The following ARHGEF11 variants were observed in gnomAD, a reference collection of about 807,000 sequenced individuals.
ARHGEF11 encodes the protein Rho guanine exchange factor (GEF) 11.
A neutral mutation model predicts 193.7 loss-of-function variants in ARHGEF11; 55 were observed. The observed-to-expected ratio is 0.28, with a 90% CI of 0.23 to 0.36. The LOEUF is 0.36. ARHGEF11 is among the 10% of genes least tolerant of loss of function. The probability of loss-of-function intolerance (pLI) is 1.00; values close to 1 mark genes in which losing one functional copy is unlikely to be tolerated. For missense variants in ARHGEF11, 1,723 were observed against 2,005.6 expected (o/e 0.86, Z 2.69); for synonymous variants, 693 against 768.0 (o/e 0.90, Z 1.62).
At chr1:156,947,048 G>A (rs1557836600) in intron 26 of ARHGEF11, 33 bp from the exon 27 acceptor site, 1 of 1,612,734 alleles carries the variant, frequency 6.2e-7, no homozygotes, top group Non-Finnish European at 8.5e-7. Flanking sequence ...AGAAATGCCT[G>A]GGGTTGAGCT....
At chr1:156,969,110 G>C (rs575458927) in intron 10 of ARHGEF11, among the ~76,000 whole-genome samples, 172 bp downstream of exon 10, 1 of 152,212 alleles carries the variant, frequency 6.6e-6, no homozygotes. Context: ...CATGTTGGAT[G>C]CATCTGAAAT....
intron 20 of ARHGEF11, 123 bp from the exon 21 acceptor site, chr1:156,955,044 C>T (rs951031079): frequency 2.6e-6 from 2 of 781,888 alleles, no homozygotes; most frequent in Non-Finnish European, 4.1e-6. Flanking sequence ...CAAGGCTGAT[C>T]TAGAAGAATC....
intron 7 of ARHGEF11, among the ~76,000 whole-genome samples, chr1:156,972,448 C>T (rs1265943609): frequency 2.0e-5 from 3 of 152,174 alleles, no homozygotes; most frequent in Admixed American, 6.5e-5. Flanking sequence ...CCTCATGGGA[C>T]GGGTGTAATA....
intron 22 of ARHGEF11, chr1:156,949,122 A>G (rs2101964877): frequency 2.0e-6 from 2 of 985,058 alleles, no homozygotes; most frequent in Non-Finnish European, 2.4e-6. Flanking sequence ...TATCTTAACA[A>G]TACTGTTCCT....
At position 156,947,001 on chromosome 1, in the gene ARHGEF11, C is replaced by T; in HGVS notation, c.2503G>A (p.Ala835Thr). The change falls in exon 27 of 41, where the codon GCC (alanine) becomes ACC (threonine). Residue 835 changes from alanine to threonine, a missense_variant. Coordinates refer to ENST00000368194, the MANE Select transcript of ARHGEF11 (RefSeq NM_198236.3). Reference sequence around the variant, plus strand: ...CCTTCCTCCCGGAGCTTCTTCATGGCTTCACACCAGGAATCTGGGGCAGGA... The same window carrying T: ...CCTTCCTCCCGGAGCTTCTTCATGGTTTCACACCAGGAATCTGGGGCAGGA... ...LIEIHNSWCE[A>T]MKKLREEGPI... 1 of 1,614,156 alleles carries T rather than the reference C, an allele frequency of 6.2e-7. No homozygotes were observed.
chr1:157,012,130 T>A (rs573386767), intron 1 of ARHGEF11, among the ~76,000 whole-genome samples: 1 of 152,170 alleles, frequency 6.6e-6, no homozygotes, highest in East Asian at 1.9e-4. Flanking sequence ...ATCCACACAA[T>A]AACATATTAA....
At chr1:157,015,241 C>T (rs181990245) in intron 1 of ARHGEF11, among the ~76,000 whole-genome samples, 376 of 152,286 alleles carry the variant, frequency 2.5e-3, no homozygotes, top group Admixed American at 3.8e-3. Flanking sequence ...GAGGACAGAA[C>T]CTAGGGCCAC....
chr1:156,967,699 T>C (rs1032800762), intron 11 of ARHGEF11, among the ~76,000 whole-genome samples: 7 of 152,254 alleles, frequency 4.6e-5, no homozygotes, highest in Non-Finnish European at 7.3e-5. Context: ...CTATTTCCTA[T>C]TCTGTATAGA....
chr1:157,012,756 C>T (rs1365472671), intron 1 of ARHGEF11, among the ~76,000 whole-genome samples: 9 of 152,318 alleles, frequency 5.9e-5, no homozygotes, highest in African/African-American at 1.9e-4. Context: ...TACTTCACAG[C>T]ATTGCTGTTG....
intron 18 of ARHGEF11, among the ~76,000 whole-genome samples, chr1:156,956,996 G>A (rs1167207016): frequency 1.3e-5 from 2 of 152,284 alleles, no homozygotes; most frequent in East Asian, 3.9e-4. Flanking sequence ...CAGGGGAAAG[G>A]AGAAATGCCA....
intron 8 of ARHGEF11, 31 bp downstream of exon 8, chr1:156,971,666 C>A (rs1360240360): frequency 1.9e-6 from 3 of 1,604,500 alleles, no homozygotes; most frequent in Admixed American, 3.3e-5. Flanking sequence ...ACTGCATGTG[C>A]CCTTACTAGA....
chr1:157,028,545 C>T lies in ARHGEF11; in HGVS notation c.32+15754G>A, dbSNP rs983763412. Among the ~76,000 whole-genome samples the T allele has an allele frequency of 3.3e-5, 5 of 152,026 alleles. No individual in the cohort carries two copies. In the East Asian group the frequency reaches 9.7e-4, roughly 29 times the overall value. On this transcript the variant is annotated intron_variant, in intron 1 of 40. Coordinates refer to ENST00000368194, the MANE Select transcript of ARHGEF11 (RefSeq NM_198236.3). ...AGCCCTAAAAGAGTGACCAAATTAC[C>T]AAAGATCAAATAATACTATATTTGA...
At position 156,940,194 on chromosome 1, in the gene ARHGEF11, T is replaced by C; in HGVS notation, c.3733+13A>G. ...GGGACCAGGGGCTGACGGCAGGGCC[T>C]TGAAGCACTCACCATCTTCCAGAGC... On this transcript the variant is annotated intron_variant, in intron 36 of 40. Coordinates refer to ENST00000368194, the MANE Select transcript of ARHGEF11 (RefSeq NM_198236.3). 6.4e-7 allele frequency: 1 copy of C among 1,565,298 alleles called. No individual in the cohort carries two copies. The highest frequency in any genetic ancestry group is 1.3e-5 in the African/African-American group (1 of 74,088).
intron 11 of ARHGEF11, among the ~76,000 whole-genome samples, chr1:156,964,609 G>A (rs1016974590): frequency 6.6e-6 from 1 of 152,098 alleles, no homozygotes; most frequent in Non-Finnish European, 1.5e-5. Context: ...TGCCCAGAAT[G>A]ACTGAGTCAC....
chr1:156,973,179 T>C (rs757969921), intron 7 of ARHGEF11, among the ~76,000 whole-genome samples: 52 of 152,334 alleles, frequency 3.4e-4, no homozygotes, highest in Non-Finnish European at 6.3e-4. Flanking sequence ...TCCTCTACTT[T>C]GGCCTCCCCA....
intron 1 of ARHGEF11, among the ~76,000 whole-genome samples, chr1:157,015,652 C>A (rs915898979): frequency 6.6e-6 from 1 of 152,172 alleles, no homozygotes; most frequent in South Asian, 2.1e-4. Context: ...CTCAGTAATG[C>A]GCAGTGTGTG....
intron 1 of ARHGEF11, among the ~76,000 whole-genome samples, chr1:156,990,699 TAA>T (rs57485864): frequency 1.7e-4 from 25 of 151,412 alleles, no homozygotes; most frequent in African/African-American, 5.8e-4. Context: ...TATTACCCTT[TAA>T]AAAAAAAGTT....
At chr1:157,046,160 G>GCCGGATCCCCGGC (rs1443571224), upstream of ARHGEF11, among the ~76,000 whole-genome samples, 1 of 150,438 alleles carries the variant, frequency 6.6e-6, no homozygotes, top group African/African-American at 2.4e-5. Flanking sequence ...TCCCATCTCA[G>GCCGGATCCCCGGC]CCGGATCCCC....
intron 9 of ARHGEF11, among the ~76,000 whole-genome samples, 170 bp from the exon 10 acceptor site, chr1:156,969,528 G>A (rs141935957): frequency 1.3e-5 from 2 of 152,138 alleles, no homozygotes; most frequent in Non-Finnish European, 2.9e-5. Context: ...GACACTTCCC[G>A]GCACACCTCC....
Sources: gnomAD v4.1 joint callset for allele counts (sites outside exome capture counted in the v4.1 genomes callset) on GRCh38, gnomAD v4.1.1 for gene constraint, MANE v1.5 for transcripts, NCBI Gene and HGNC (gene_info 2026-07-23, HGNC 2026-07-21) for gene names.